Variants in FCRL4 observed in about 807,000 individuals in gnomAD.
FCRL4 encodes Fc receptor like 4.
FCRL4 carries 43 observed loss-of-function variants against 64.1 expected under a neutral mutation model. The ratio of observed to expected loss-of-function variants is 0.67; its 90% CI spans 0.53 to 0.87. The LOEUF is 0.87. Among genes scored for constraint, FCRL4 ranks in the 40% least tolerant of loss-of-function variants. FCRL4 has a pLI of 0.00. For synonymous variants in FCRL4, 253 were observed against 239.8 expected (o/e 1.05, Z -0.51); for missense variants, 656 against 613.5 (o/e 1.07, Z -0.73).
At chr1:157,585,071 T>C (rs1652642228) in intron 6 of FCRL4, among the ~76,000 whole-genome samples, 1 of 152,096 alleles carries the variant, frequency 6.6e-6, no homozygotes, top group Non-Finnish European at 1.5e-5. Context: ...ATGGAGATCA[T>C]TAGTAATTTT....
At chr1:157,580,460 C>G in intron 7 of FCRL4, 112 bp from the exon 8 acceptor site, 1 of 1,076,376 alleles carries the variant, frequency 9.3e-7, no homozygotes, top group Non-Finnish European at 1.4e-6. Context: ...ATTCAAACAC[C>G]TGCCCAGTCC....
intron 6 of FCRL4, among the ~76,000 whole-genome samples, chr1:157,582,902 T>A (rs1324615128): frequency 1.3e-5 from 2 of 152,182 alleles, no homozygotes; most frequent in Non-Finnish European, 2.9e-5. Flanking sequence ...TGCTGGGGCA[T>A]CCGCCGGTGC....
At chr1:157,585,445 C>T (rs1383731369) in intron 6 of FCRL4, among the ~76,000 whole-genome samples, 5 of 145,122 alleles carry the variant, frequency 3.4e-5, no homozygotes, top group African/African-American at 1.3e-4. Context: ...GACAGGAATA[C>T]AACTAAACCT....
chr1:157,575,196 G>GT lies in FCRL4; in HGVS notation c.*327dup. 2.9e-6 allele frequency: 1 copy of GT among 345,460 alleles called. No individual in the cohort carries two copies. Among genetic ancestry groups the GT allele is most frequent in the Non-Finnish European group, 5.3e-6 (1 of 187,180 alleles). The allele number at this position is 345,460 out of a possible 1,614,324, so 21.4% of individuals were successfully genotyped here. Reference sequence around the variant, plus strand: ...CCAATTCACCAAAATTTGTGCTTCTGTTTTTCATAACAGTCCTTCTCTCTC... The same window carrying GT: ...CCAATTCACCAAAATTTGTGCTTCTGTTTTTTCATAACAGTCCTTCTCTCTC... On this transcript the variant is annotated 3_prime_UTR_variant, in exon 12 of 12. Coordinates refer to ENST00000271532, the MANE Select transcript of FCRL4 (RefSeq NM_031282.3).
chr1:157,579,423 T>G (rs1006016871), intron 8 of FCRL4, among the ~76,000 whole-genome samples: 4 of 151,784 alleles, frequency 2.6e-5, no homozygotes, highest in African/African-American at 9.7e-5. Flanking sequence ...TAAATGTCTT[T>G]ACTTTACTGT....
In FCRL4 at chr1:157,575,002, A is replaced by G. The variant is rs1302695219; in HGVS notation, c.*522T>C. ...CTTTAATCTGCAACTGAATCCTGAC[A>G]GTGTAAGCTGTGCAGGCAGAAGTGA... On this transcript the variant is annotated 3_prime_UTR_variant, in exon 12 of 12. Transcript: ENST00000271532. The G allele has an allele frequency of 8.9e-6, 2 of 223,480 alleles. No homozygotes were observed. The highest frequency in any genetic ancestry group is 1.8e-5 in the Non-Finnish European group (2 of 112,046). The allele number at this position is 223,480 out of a possible 1,614,324, so 13.8% of individuals were successfully genotyped here.
chr1:157,578,565 A>G, intron 9 of FCRL4, 23 bp from the exon 10 acceptor site: 1 of 1,603,322 alleles, frequency 6.2e-7, no homozygotes, highest in Non-Finnish European at 8.5e-7. Flanking sequence ...GACATTTTCA[A>G]GGCTGTTCCT....
At chr1:157,594,981 C>T (rs1015229712) in intron 2 of FCRL4, among the ~76,000 whole-genome samples, 1 of 152,230 alleles carries the variant, frequency 6.6e-6, no homozygotes, top group African/African-American at 2.4e-5. Flanking sequence ...TCATTGCAAC[C>T]TCCACCTCCT....
chr1:157,581,770 G>A (rs1652567602), intron 6 of FCRL4, 126 bp from the exon 7 acceptor site: 2 of 692,948 alleles, frequency 2.9e-6, no homozygotes. Flanking sequence ...GTCTCATAAA[G>A]ACATCTTGGG....
chr1:157,590,110 A>C (rs1305465407), intron 2 of FCRL4, among the ~76,000 whole-genome samples: 2 of 151,950 alleles, frequency 1.3e-5, no homozygotes, highest in Non-Finnish European at 2.9e-5. Flanking sequence ...ATGCATAAAA[A>C]CCCTTGTTTA....
At chr1:157,581,210 C>T (rs1423355334) in intron 7 of FCRL4, among the ~76,000 whole-genome samples, 2 of 152,200 alleles carry the variant, frequency 1.3e-5, no homozygotes, top group Non-Finnish European at 2.9e-5. Context: ...ATCTAACTGG[C>T]CAGTCTATAT....
In FCRL4 at chr1:157,574,918, C is replaced by T. The variant is rs1360816462; in HGVS notation, c.*606G>A. The T allele has an allele frequency of 1.9e-5, 4 of 213,832 alleles. No individual in the cohort carries two copies. Among genetic ancestry groups the T allele is most frequent in the Non-Finnish European group, 2.8e-5 (3 of 105,918 alleles). The allele number at this position is 213,832 out of a possible 1,614,324, so 13.2% of individuals were successfully genotyped here. ...GAAGCGCAGCCTAGAGCTTGCATCT[C>T]CAGCTCTTCTGATGTCCTCTTTTAA... On this transcript the variant is annotated 3_prime_UTR_variant, in exon 12 of 12. Coordinates refer to ENST00000271532, the MANE Select transcript of FCRL4 (RefSeq NM_031282.3).
At position 157,575,707 on chromosome 1, in the gene FCRL4, C is replaced by T. The variant is rs772443837; in HGVS notation, c.1453G>A (p.Glu485Lys). Reference protein sequence around the residue: ...EEANTSRTLLEDKDVSVVYSE... With the variant: ...EEANTSRTLLKDKDVSVVYSE... ...GGGGAAATGAAACTCACCTTATCCT[C>T]TAGAAGTGTCCTGGAGGTATTAGCT... Residue 485 changes from glutamate to lysine, a missense_variant, in exon 11 of 12, where the codon GAG becomes AAG. Coordinates refer to ENST00000271532, the MANE Select transcript of FCRL4 (RefSeq NM_031282.3). The T allele has an allele frequency of 6.2e-7, 1 of 1,613,844 alleles. No individual in the cohort carries two copies.
intron 10 of FCRL4, among the ~76,000 whole-genome samples, chr1:157,576,469 CA>C (rs1447365645): frequency 6.6e-6 from 1 of 152,090 alleles, no homozygotes; most frequent in Non-Finnish European, 1.5e-5. Context: ...GTCATATGTA[CA>C]AAACTTTGCA....
intron 5 of FCRL4, among the ~76,000 whole-genome samples, chr1:157,586,719 G>A (rs974263809): frequency 5.9e-5 from 9 of 152,180 alleles, no homozygotes; most frequent in African/African-American, 2.2e-4. Flanking sequence ...CATCCTGGCT[G>A]GAGGTCTGAG....
Position 157,581,612 on chromosome 1 carries a change from C to T in FCRL4, c.1168G>A (p.Ala390Thr), listed in dbSNP as rs146388580. 1.2e-3 allele frequency: 1,858 copies of T among 1,613,886 alleles called. 2 individuals carry two copies. The highest frequency in any genetic ancestry group is 1.4e-3 in the Non-Finnish European group (1,657 of 1,179,986). The change falls in exon 7 of 12, where the codon GCG becomes ACG. Residue 390 changes from alanine to threonine, a missense_variant. Physicochemically the swap from Ala to Thr is moderately conservative, Grantham distance 58. Transcript: ENST00000271532. ...TPGNRDGLVA[A>T]GATGGLLSAL... ...CTGAGCAGCCCTCCAGTGGCTCCCG[C>T]GGCGACAAGGCCATCTCTGTTGCCT...
intron 2 of FCRL4, 54 bp downstream of exon 2, chr1:157,596,274 T>C (rs1652962314): frequency 6.4e-7 from 1 of 1,564,270 alleles, no homozygotes; most frequent in Non-Finnish European, 8.8e-7. Flanking sequence ...TGAGATAAAA[T>C]ATAGTTATTA....
Position 157,574,753 on chromosome 1 carries a change from A to C in FCRL4, c.*771T>G, listed in dbSNP as rs1037155549. Reference sequence around the variant, plus strand: ...TTTTTTAAAGGCAGAGTTTATTATGAGTTTATACTAATATTTTAAGTTCAA... The same window carrying C: ...TTTTTTAAAGGCAGAGTTTATTATGCGTTTATACTAATATTTTAAGTTCAA... On this transcript the variant is annotated 3_prime_UTR_variant, in exon 12 of 12. Coordinates refer to ENST00000271532, the MANE Select transcript of FCRL4 (RefSeq NM_031282.3). 9.5e-6 allele frequency: 2 copies of C among 210,360 alleles called. No homozygotes were observed. Among genetic ancestry groups the C allele is most frequent in the Non-Finnish European group, 1.9e-5 (2 of 103,790 alleles). 13.0% of individuals were successfully genotyped at this position (210,360 alleles called of 1,614,324 possible). A position where few individuals can be genotyped will look rare whatever the true frequency, so the allele number is the denominator to read the frequency against.
At chr1:157,592,287 A>T (rs1312969591) in intron 2 of FCRL4, among the ~76,000 whole-genome samples, 1 of 152,228 alleles carries the variant, frequency 6.6e-6, no homozygotes. Flanking sequence ...AGCAAAAGAA[A>T]TTATCATCAG....
Sources: gnomAD v4.1 joint callset for allele counts (sites outside exome capture counted in the v4.1 genomes callset) on GRCh38, gnomAD v4.1.1 for gene constraint, MANE v1.5 for transcripts, NCBI Gene and HGNC (gene_info 2026-07-23, HGNC 2026-07-21) for gene names.